Variants in GLCCI1 observed in about 807,000 individuals in gnomAD.
GLCCI1 encodes the protein glucocorticoid-induced transcript 1 protein.
A neutral mutation model predicts 52.2 loss-of-function variants in GLCCI1; 24 were observed. The ratio of observed to expected loss-of-function variants is 0.46; its 90% CI spans 0.33 to 0.65. The LOEUF is 0.65. Among genes scored for constraint, GLCCI1 ranks in the 30% least tolerant of loss-of-function variants. The probability of loss-of-function intolerance (pLI) is 0.02; values close to 1 mark genes in which losing one functional copy is unlikely to be tolerated. For synonymous variants in GLCCI1, 310 were observed against 276.5 expected (o/e 1.12, Z -1.20); for missense variants, 704 against 701.5 (o/e 1.00, Z -0.04).
intron 6 of GLCCI1, among the ~76,000 whole-genome samples, chr7:8,074,149 A>G (rs1340807676): frequency 1.3e-5 from 2 of 152,218 alleles, no homozygotes; most frequent in Non-Finnish European, 2.9e-5. Context: ...AGAGTGGAGA[A>G]ATAGAGATGA....
At chr7:7,970,189 CTT>C (rs978997429) in intron 1 of GLCCI1, among the ~76,000 whole-genome samples, 8 of 152,306 alleles carry the variant, frequency 5.3e-5, no homozygotes, top group South Asian at 2.1e-4. Flanking sequence ...TCTACCGTCT[CTT>C]TGTGCTTTTC....
At chr7:8,058,209 A>C (rs916836676) in intron 4 of GLCCI1, among the ~76,000 whole-genome samples, 27 of 152,252 alleles carry the variant, frequency 1.8e-4, no homozygotes, top group African/African-American at 6.5e-4. Context: ...CTGGAATCAA[A>C]CTTAAAAGAA....
intron 3 of GLCCI1, among the ~76,000 whole-genome samples, chr7:8,023,077 G>A (rs1410979828): frequency 7.9e-5 from 12 of 152,088 alleles, no homozygotes; most frequent in African/African-American, 1.7e-4. Context: ...ATGCGGTGGC[G>A]CAATCTTGGC....
chr7:7,968,995 G>C lies in GLCCI1; in HGVS notation c.-356G>C, dbSNP rs1258523224. On this transcript the variant is annotated 5_prime_UTR_variant, in exon 1 of 8. Transcript: ENST00000223145. ...CTGCGAGGGCTGAGGAGAAGGCTGC[G>C]AGCGGCCCTCGGGGCTGCGTGATCC... 3.2e-5 allele frequency: 5 copies of C among 156,956 alleles called. No homozygotes were observed. The Admixed American group carries it at 3.2e-4, about 10-fold the overall frequency. The allele number at this position is 156,956 out of a possible 1,614,324, so 9.7% of individuals were successfully genotyped here.
intron 1 of GLCCI1, among the ~76,000 whole-genome samples, chr7:8,000,870 T>G (rs547683855): frequency 4.9e-4 from 75 of 152,268 alleles, no homozygotes; most frequent in African/African-American, 1.7e-3. Flanking sequence ...TCCCTGCTTT[T>G]TTTTGCTTTC....
rs1365325030 is a variant in GLCCI1, at chr7:8,060,095, G to C, written c.814-1G>C. 6.2e-7 allele frequency: 1 copy of C among 1,608,638 alleles called. No homozygotes were observed. On this transcript the variant is annotated splice_acceptor_variant, in intron 4 of 7. Coordinates refer to ENST00000223145, the MANE Select transcript of GLCCI1 (RefSeq NM_138426.4). LOFTEE classifies it high-confidence loss of function. The stretch of plus-strand genomic sequence containing the variant: ...GATACCACCTTTATCTTATCTCATA[G>C]GCTACTGGATCAAGGTCAGTTCCTA...
At chr7:8,047,970 A>G (rs1253241548) in intron 3 of GLCCI1, among the ~76,000 whole-genome samples, 1 of 152,050 alleles carries the variant, frequency 6.6e-6, no homozygotes, top group Non-Finnish European at 1.5e-5. Context: ...TCATGGGTGA[A>G]GGGATCCCAG....
At chr7:7,996,966 G>A (rs1407530374) in intron 1 of GLCCI1, among the ~76,000 whole-genome samples, 1 of 152,152 alleles carries the variant, frequency 6.6e-6, no homozygotes, top group South Asian at 2.1e-4. Context: ...CTTATCTGAA[G>A]TTCATTTGAA....
chr7:8,081,423 G>C (rs1228459350), intron 6 of GLCCI1, among the ~76,000 whole-genome samples: 1 of 152,156 alleles, frequency 6.6e-6, no homozygotes, highest in Non-Finnish European at 1.5e-5. Context: ...CTTAGGGCTA[G>C]AATAGAACCA....
At chr7:8,071,181 T>G in intron 6 of GLCCI1, 50 bp downstream of exon 6, 10 of 1,426,066 alleles carry the variant, frequency 7.0e-6, no homozygotes, top group East Asian at 2.3e-5. Context: ...CCTTGCTCAT[T>G]ATACCTTGTC....
chr7:8,037,810 G>C (rs917671587), intron 3 of GLCCI1, among the ~76,000 whole-genome samples: 5 of 152,108 alleles, frequency 3.3e-5, no homozygotes, highest in African/African-American at 1.2e-4. Context: ...ATTATATAAT[G>C]ATAAAGGGAT....
chr7:8,075,135 T>C (rs1782849494), intron 6 of GLCCI1, among the ~76,000 whole-genome samples: 1 of 152,254 alleles, frequency 6.6e-6, no homozygotes, highest in African/African-American at 2.4e-5. Flanking sequence ...AAAATAATTT[T>C]GTATTATCAA....
chr7:8,036,699 C>A (rs1039557530), intron 3 of GLCCI1, among the ~76,000 whole-genome samples: 1 of 152,180 alleles, frequency 6.6e-6, no homozygotes, highest in African/African-American at 2.4e-5. Flanking sequence ...TTAGGAGATA[C>A]TTTTTTAAAT....
chr7:8,044,506 G>C (rs1301267027), intron 3 of GLCCI1, among the ~76,000 whole-genome samples: 2 of 151,998 alleles, frequency 1.3e-5, no homozygotes, highest in Middle Eastern at 3.4e-3. Flanking sequence ...GAGTATCTGG[G>C]ACTATAGGCA....
chr7:8,074,419 TA>T (rs1374345142), intron 6 of GLCCI1, among the ~76,000 whole-genome samples: 2 of 152,136 alleles, frequency 1.3e-5, no homozygotes, highest in Non-Finnish European at 2.9e-5. Context: ...ATATACTAAT[TA>T]TTTCTGTGAT....
chr7:8,087,934 A>G lies in GLCCI1; in HGVS notation c.*1396A>G, dbSNP rs998201981. The G allele has an allele frequency of 2.6e-5, 4 of 152,592 alleles. No individual in the cohort carries two copies. The highest frequency in any genetic ancestry group is 4.8e-5 in the African/African-American group (2 of 41,458). 9.5% of individuals were successfully genotyped at this position (152,592 alleles called of 1,614,324 possible). A position where few individuals can be genotyped will look rare whatever the true frequency, so the allele number is the denominator to read the frequency against. ...AGCCCCAGGCATTCCTGATTGGTCA[A>G]TGGGAGAGCCTAACTTTCATTGTTT... On this transcript the variant is annotated 3_prime_UTR_variant, in exon 8 of 8. Transcript: ENST00000223145.
intron 3 of GLCCI1, among the ~76,000 whole-genome samples, chr7:8,034,960 G>A (rs1781833824): frequency 6.6e-6 from 1 of 152,162 alleles, no homozygotes; most frequent in Non-Finnish European, 1.5e-5. Flanking sequence ...CCCTCCCTGT[G>A]GACCCGAGCT....
At chr7:8,068,063 A>T (rs1249389751) in intron 5 of GLCCI1, among the ~76,000 whole-genome samples, 1 of 152,154 alleles carries the variant, frequency 6.6e-6, no homozygotes. Flanking sequence ...TTTTTAAAAA[A>T]AATTTTGGCT....
Position 8,088,138 on chromosome 7 carries a change from TTTTC to T in GLCCI1, c.*1604_*1607del, listed in dbSNP as rs1318326761. 6.6e-6 allele frequency: 1 copy of T among 152,176 alleles called. No individual in the cohort carries two copies. The highest frequency in any genetic ancestry group is 2.4e-5 in the African/African-American group (1 of 41,396). 9.4% of individuals were successfully genotyped at this position (152,176 alleles called of 1,614,324 possible). A position where few individuals can be genotyped will look rare whatever the true frequency, so the allele number is the denominator to read the frequency against. ...CAGTTCCTTTCATTCATTCCTGGGT[TTTTC>T]TTTTATTTTCTAAGAAGGTTGAAGA... On this transcript the variant is annotated 3_prime_UTR_variant, in exon 8 of 8. Coordinates refer to ENST00000223145, the MANE Select transcript of GLCCI1 (RefSeq NM_138426.4).
Sources: allele counts gnomAD v4.1 joint callset (sites outside exome capture counted in the v4.1 genomes callset), GRCh38; gene constraint gnomAD v4.1.1; transcripts MANE v1.5; gene names NCBI Gene and HGNC (gene_info 2026-07-23, HGNC 2026-07-21).